Variants in MACROD2 observed in about 807,000 individuals in gnomAD.
The protein encoded by MACROD2 is mono-ADP ribosylhydrolase 2.
MACROD2 carries 36 observed loss-of-function variants against 70.4 expected under a neutral mutation model. The ratio of observed to expected loss-of-function variants is 0.51; its 90% CI spans 0.39 to 0.68. MACROD2 has a LOEUF of 0.68. Among genes scored for constraint, MACROD2 ranks in the 30% least tolerant of loss-of-function variants. MACROD2 has a pLI of 0.00. For missense variants in MACROD2, 496 were observed against 538.4 expected, an observed-to-expected ratio of 0.92 and a Z score of 0.78; for synonymous variants, 172 against 178.8, an observed-to-expected ratio of 0.96 and a Z score of 0.30.
chr20:15,418,442 A>G (rs1345609331), intron 6 of MACROD2, among the ~76,000 whole-genome samples: 2 of 152,222 alleles, frequency 1.3e-5, no homozygotes, highest in African/African-American at 4.8e-5. Context: ...TGCTCTATCC[A>G]TAGCACCTGG....
intron 8 of MACROD2, among the ~76,000 whole-genome samples, chr20:15,622,766 G>A (rs1365335092): frequency 2.6e-5 from 4 of 152,166 alleles, no homozygotes; most frequent in African/African-American, 9.7e-5. Flanking sequence ...GGTATTTTGA[G>A]AGAGAGAGAC....
chr20:14,121,827 T>C (rs1465273444), intron 3 of MACROD2, among the ~76,000 whole-genome samples: 2 of 152,202 alleles, frequency 1.3e-5, no homozygotes, highest in African/African-American at 4.8e-5. Flanking sequence ...TTTAACAAAA[T>C]ATTGATCTTT....
chr20:15,033,076 G>C (rs1360210228), intron 5 of MACROD2, among the ~76,000 whole-genome samples: 1 of 152,166 alleles, frequency 6.6e-6, no homozygotes, highest in Non-Finnish European at 1.5e-5. Context: ...GGACAGGGGA[G>C]GATGGGGCGT....
chr20:14,329,453 G>A (rs534104384), intron 3 of MACROD2: 31 of 152,068 alleles, frequency 2.0e-4, no homozygotes, highest in African/African-American at 7.5e-4. Flanking sequence ...TAGTCAGAAG[G>A]GATAGGTTGA....
At chr20:15,827,785 A>C (rs1030927051) in intron 8 of MACROD2, among the ~76,000 whole-genome samples, 18 of 152,318 alleles carry the variant, frequency 1.2e-4, no homozygotes, top group African/African-American at 3.8e-4. Flanking sequence ...CACCCTAACT[A>C]GCCATTTGCA....
At chr20:15,422,566 G>T (rs1482330756) in intron 6 of MACROD2, among the ~76,000 whole-genome samples, 4 of 152,126 alleles carry the variant, frequency 2.6e-5, no homozygotes, top group Non-Finnish European at 4.4e-5. Flanking sequence ...GCTTGTTCAT[G>T]GGAATGAATC....
intron 8 of MACROD2, among the ~76,000 whole-genome samples, chr20:15,672,839 C>T (rs1408756811): frequency 6.6e-6 from 1 of 152,172 alleles, no homozygotes; most frequent in Non-Finnish European, 1.5e-5. Context: ...ACAATTCTCA[C>T]ATGTCGTGGG....
chr20:14,254,680 A>G (rs368692376), intron 3 of MACROD2, among the ~76,000 whole-genome samples: 2 of 152,174 alleles, frequency 1.3e-5, no homozygotes, highest in South Asian at 2.1e-4. Flanking sequence ...ATTTTGTTCT[A>G]TCCATATTTT....
At chr20:14,715,727 T>G (rs571120052) in intron 5 of MACROD2, among the ~76,000 whole-genome samples, 1 of 152,292 alleles carries the variant, frequency 6.6e-6, no homozygotes, top group South Asian at 2.1e-4. Context: ...TTTACAGATT[T>G]TAACGTGAGG....
chr20:15,496,782 A>G (rs1386996354), intron 7 of MACROD2, among the ~76,000 whole-genome samples: 3 of 152,194 alleles, frequency 2.0e-5, no homozygotes, highest in Non-Finnish European at 4.4e-5. Context: ...GCCTGTGTTT[A>G]TTCTGTGTTG....
intron 10 of MACROD2, among the ~76,000 whole-genome samples, chr20:15,920,220 G>A (rs1256982501): frequency 6.6e-6 from 1 of 152,174 alleles, no homozygotes; most frequent in African/African-American, 2.4e-5. Context: ...AATATATGCA[G>A]AAAGGAGATG....
At chr20:14,355,521 A>G (rs2083163886) in intron 3 of MACROD2, among the ~76,000 whole-genome samples, 1 of 152,198 alleles carries the variant, frequency 6.6e-6, no homozygotes, top group Non-Finnish European at 1.5e-5. Flanking sequence ...AATAAAATAC[A>G]GAATCAAGTT....
chr20:15,735,632 G>A (rs115743578), intron 8 of MACROD2, among the ~76,000 whole-genome samples: 40 of 152,250 alleles, frequency 2.6e-4, no homozygotes, highest in African/African-American at 6.3e-4. Context: ...AGGATATGCC[G>A]CTGTGTAACT....
At chr20:15,933,146 T>C (rs1035511741) in intron 10 of MACROD2, 130 bp from the exon 11 acceptor site, 6 of 777,786 alleles carry the variant, frequency 7.7e-6, no homozygotes, top group Non-Finnish European at 1.2e-5. Flanking sequence ...CTGATTCATC[T>C]CTCTGCCTGG....
intron 4 of MACROD2, among the ~76,000 whole-genome samples, chr20:14,625,542 A>T (rs1984095908): frequency 6.6e-6 from 1 of 152,180 alleles, no homozygotes; most frequent in Admixed American, 6.5e-5. Flanking sequence ...CAATGATTGC[A>T]TGAATGGAGT....
At chr20:14,953,009 T>C (rs1224522965) in intron 5 of MACROD2, among the ~76,000 whole-genome samples, 1 of 152,108 alleles carries the variant, frequency 6.6e-6, no homozygotes, top group Non-Finnish European at 1.5e-5. Context: ...AAATTGAATA[T>C]GCTTTTTACA....
At chr20:14,282,830 A>G (rs972079658) in intron 3 of MACROD2, among the ~76,000 whole-genome samples, 4 of 152,196 alleles carry the variant, frequency 2.6e-5, no homozygotes, top group African/African-American at 9.7e-5. Flanking sequence ...TCACAATCAC[A>G]AAGACAGCAC....
chr20:15,493,606 A>G (rs548224137), intron 7 of MACROD2, among the ~76,000 whole-genome samples: 88 of 152,338 alleles, frequency 5.8e-4, no homozygotes, highest in Admixed American at 1.5e-3. Flanking sequence ...TATCAGGTGA[A>G]CAAAATTAGT....
At chr20:15,208,633 C>A (rs879654850) in intron 5 of MACROD2, among the ~76,000 whole-genome samples, 2 of 152,164 alleles carry the variant, frequency 1.3e-5, no homozygotes. Context: ...GTTCCTCTTT[C>A]GGCTTCCTTT....
Sources: gnomAD v4.1 joint callset for allele counts (sites outside exome capture counted in the v4.1 genomes callset) on GRCh38, gnomAD v4.1.1 for gene constraint, MANE v1.5 for transcripts, NCBI Gene and HGNC (gene_info 2026-07-23, HGNC 2026-07-21) for gene names.